Variants in KTN1 observed in about 807,000 individuals in gnomAD.
The protein encoded by KTN1 is kinectin 1, also known as kinectin.
A neutral mutation model predicts 222.5 loss-of-function variants in KTN1; 130 were observed. That is an observed-to-expected ratio of 0.58 (90% CI 0.51 to 0.68). The LOEUF (loss-of-function observed/expected upper bound fraction) is 0.68. Among genes scored for constraint, KTN1 ranks in the 30% least tolerant of loss-of-function variants. KTN1 has a pLI of 0.00. For missense variants in KTN1, 1,508 were observed against 1,500.4 expected, an observed-to-expected ratio of 1.01 and a Z score of -0.08; for synonymous variants, 512 against 496.3, an observed-to-expected ratio of 1.03 and a Z score of -0.42.
At chr14:55,628,057 T>C in intron 6 of KTN1, 29 bp downstream of exon 6, 1 of 1,307,928 alleles carries the variant, frequency 7.6e-7, no homozygotes, top group Non-Finnish European at 1.1e-6. Flanking sequence ...ACGAGGGATA[T>C]ACTTCCCAAA....
Position 55,656,140 on chromosome 14 carries a change from T to C in KTN1, c.2892+8T>C, listed in dbSNP as rs1457593427. The C allele has an allele frequency of 6.5e-7, 1 of 1,539,006 alleles. No homozygotes were observed. The highest frequency in any genetic ancestry group is 1.8e-5 in the Admixed American group (1 of 54,746). On this transcript the variant is annotated splice_region_variant and intron_variant, in intron 29 of 43. Coordinates refer to ENST00000395314, the MANE Select transcript of KTN1 (RefSeq NM_001079521.2). ...AAAACACAGCTGTTACAGGTGAATA[T>C]GGTGACTTAAAATTAATTATTTTGT...
intron 17 of KTN1, 21 bp from the exon 18 acceptor site, chr14:55,641,671 A>G: frequency 6.7e-7 from 1 of 1,482,080 alleles, no homozygotes; most frequent in East Asian, 2.3e-5. Context: ...TAAAACAGTA[A>G]ATTGAGACTC....
At chr14:55,588,304 G>A (rs985310119) in intron 1 of KTN1, among the ~76,000 whole-genome samples, 1 of 152,134 alleles carries the variant, frequency 6.6e-6, no homozygotes, top group African/African-American at 2.4e-5. Context: ...TCTGTAAGAT[G>A]AATCATCTGT....
intron 18 of KTN1, among the ~76,000 whole-genome samples, chr14:55,642,720 T>C (rs1442692963): frequency 6.6e-6 from 1 of 152,170 alleles, no homozygotes; most frequent in Non-Finnish European, 1.5e-5. Flanking sequence ...TAGCTGTGCC[T>C]CTGGAAGTAT....
In KTN1 at chr14:55,667,169, G is replaced by GT. The variant is rs531123897; in HGVS notation, c.3178-65dup. The GT allele has an allele frequency of 3.0e-6, 3 of 986,542 alleles. 1 individual carries two copies. The highest frequency in any genetic ancestry group is 3.0e-5 in the South Asian group (2 of 66,216). The allele number at this position is 986,542 out of a possible 1,614,324, so 61.1% of individuals were successfully genotyped here. ...TCCCGTAGAATTATAAAACACTATAGTTTTTTTCTTTTCTTTTTTTAAAAA... is the reference window on the plus strand; with the variant it reads ...TCCCGTAGAATTATAAAACACTATAGTTTTTTTTCTTTTCTTTTTTTAAAAA... On this transcript the variant is annotated intron_variant, in intron 33 of 43. Transcript: ENST00000395314.
Position 55,641,131 on chromosome 14 carries a change from T to C in KTN1, c.2026T>C (p.Tyr676His), listed in dbSNP as rs778259268. 1.3e-6 allele frequency: 2 copies of C among 1,576,788 alleles called. No individual in the cohort carries two copies. Among genetic ancestry groups the C allele is most frequent in the South Asian group, 1.2e-5 (1 of 85,704 alleles). The change falls in exon 17 of 44, where the codon TAT becomes CAT. Residue 676 changes from tyrosine (Y) to histidine (H), a missense_variant. By Grantham distance (83) the Tyr-to-His change is moderately conservative. Coordinates refer to ENST00000395314, the MANE Select transcript of KTN1 (RefSeq NM_001079521.2). ...TTTTTTTTTTCACCCTCATAGTGTT[T>C]ATGTTAAAGATGATAAAATAAGATT... The part of the protein sequence containing the change: ...HELEKMQQSV[Y>H]VKDDKIRLLE...
At chr14:55,641,105 A>T (rs2041754149) in intron 16 of KTN1, 22 bp from the exon 17 acceptor site, 2 of 1,447,228 alleles carry the variant, frequency 1.4e-6, no homozygotes, top group Non-Finnish European at 1.9e-6. Context: ...AAGTATTTTA[A>T]TTTTTTTTTT....
chr14:55,651,783 A>T, intron 24 of KTN1, 107 bp from the exon 25 acceptor site: 1 of 684,166 alleles, frequency 1.5e-6, no homozygotes. Flanking sequence ...TGAAAAATTC[A>T]GCTAGTTTCT....
At chr14:55,590,910 G>A (rs1305364692) in intron 1 of KTN1, among the ~76,000 whole-genome samples, 1 of 152,136 alleles carries the variant, frequency 6.6e-6, no homozygotes, top group African/African-American at 2.4e-5. Flanking sequence ...TCCTGACCTT[G>A]TGATCCACCC....
At chr14:55,648,924 T>G in intron 21 of KTN1, 54 bp downstream of exon 21, 1 of 1,249,088 alleles carries the variant, frequency 8.0e-7, no homozygotes, top group Non-Finnish European at 1.2e-6. Context: ...GTTTGTTTGT[T>G]TGTTGTTTTT....
chr14:55,631,817 C>G (rs562044870), intron 7 of KTN1, among the ~76,000 whole-genome samples: 19 of 152,200 alleles, frequency 1.2e-4, no homozygotes, highest in African/African-American at 4.3e-4. Context: ...TCTAGTTACT[C>G]TTGCATTCAA....
intron 35 of KTN1, 53 bp from the exon 36 acceptor site, chr14:55,671,513 C>T: frequency 2.2e-6 from 3 of 1,342,586 alleles, no homozygotes; most frequent in African/African-American, 1.5e-5. Flanking sequence ...AAACTTGAAG[C>T]ATAAAACTTT....
intron 6 of KTN1, among the ~76,000 whole-genome samples, chr14:55,628,793 T>G (rs2040156470): frequency 6.6e-6 from 1 of 152,176 alleles, no homozygotes; most frequent in Non-Finnish European, 1.5e-5. Flanking sequence ...TTAACATAGT[T>G]TTTTGTGACT....
In KTN1 at chr14:55,653,589, G is replaced by C; in HGVS notation, c.2794G>C (p.Glu932Gln). 1 of 1,609,486 alleles carries C rather than the reference G, an allele frequency of 6.2e-7. No homozygotes were observed. The highest frequency in any genetic ancestry group is 8.5e-7 in the Non-Finnish European group (1 of 1,176,442). ...TTCTGCATCACAGTTTGAAGAACTT[G>C]AGATTGTGTAAGTATGCTTTAAGAC... Reference protein sequence around the residue: ...ASSASQFEELEIVLKEKENEL... With the variant: ...ASSASQFEELQIVLKEKENEL... The change falls in exon 28 of 44, where the codon GAG becomes CAG. Residue 932 changes from glutamate to glutamine, a missense_variant. By Grantham distance (29) the Glu-to-Gln change is conservative. Transcript: ENST00000395314.
chr14:55,639,227 G>A lies in KTN1; in HGVS notation c.1823+5G>A, dbSNP rs1224044411. 1 of 1,597,916 alleles carries A rather than the reference G, an allele frequency of 6.3e-7. No individual in the cohort carries two copies. Among genetic ancestry groups the A allele is most frequent in the Admixed American group, 1.7e-5 (1 of 59,856 alleles). ...AGCAGAAGAATTACATAAAGTGTAA[G>A]CCTACCTTTTCACACTCTTATAATT... On this transcript the variant is annotated splice_donor_5th_base_variant and intron_variant, in intron 13 of 43. Transcript: ENST00000395314.
intron 31 of KTN1, 24 bp downstream of exon 31, chr14:55,659,727 GT>G: frequency 7.5e-7 from 1 of 1,330,280 alleles, no homozygotes. Flanking sequence ...TTGAGTCACA[GT>G]TTATAAAGTC....
intron 18 of KTN1, 41 bp from the exon 19 acceptor site, chr14:55,646,932 A>G: frequency 7.7e-7 from 1 of 1,297,178 alleles, no homozygotes; most frequent in Non-Finnish European, 1.1e-6. Context: ...CTTCATGCAA[A>G]TTTGGTAAAG....
intron 1 of KTN1, among the ~76,000 whole-genome samples, chr14:55,603,298 A>T (rs187983592): frequency 6.3e-4 from 96 of 152,284 alleles, no homozygotes; most frequent in African/African-American, 2.2e-3. Context: ...TGCTTCAAAG[A>T]GTTGTCCACA....
At chr14:55,608,164 C>CT (rs2037017937) in intron 1 of KTN1, among the ~76,000 whole-genome samples, 1 of 152,106 alleles carries the variant, frequency 6.6e-6, no homozygotes, top group African/African-American at 2.4e-5. Flanking sequence ...GCTTTTAAAA[C>CT]TTTGTCTTTG....
Sources: gnomAD v4.1 joint callset for allele counts (sites outside exome capture counted in the v4.1 genomes callset) on GRCh38, gnomAD v4.1.1 for gene constraint, MANE v1.5 for transcripts, NCBI Gene and HGNC (gene_info 2026-07-23, HGNC 2026-07-21) for gene names.